Variants in TUT7 observed in about 807,000 individuals in gnomAD.
The protein encoded by TUT7 is terminal uridylyl transferase 7, also known as terminal uridylyltransferase 7.
A neutral mutation model predicts 165.9 loss-of-function variants in TUT7; 33 were observed. The ratio of observed to expected loss-of-function variants is 0.20; its 90% CI spans 0.15 to 0.27. The LOEUF (loss-of-function observed/expected upper bound fraction) is 0.27. Ranked by LOEUF, TUT7 falls within the 10% of genes least tolerant of loss-of-function variation. TUT7 has a pLI of 1.00. For missense variants in TUT7, 1,338 were observed against 1,762.3 expected, an observed-to-expected ratio of 0.76 and a Z score of 4.31; for synonymous variants, 552 against 608.1, an observed-to-expected ratio of 0.91 and a Z score of 1.36.
chr9:86,352,543 C>T, intron 2 of TUT7, 137 bp downstream of exon 2: 2 of 982,900 alleles, frequency 2.0e-6, no homozygotes, highest in South Asian at 1.4e-5. Flanking sequence ...AATAATCACA[C>T]TAAGTGACCA....
rs1831791645 is a variant in TUT7 at position 86,346,600 on chromosome 9, G to A, written c.521-120C>T. ...ATAAATCACATCTGCATGCAGAGCA[G>A]AAGGAAAGGTAGCTGTCCTATGGAC... is the stretch of plus-strand genomic sequence containing the variant. On this transcript the variant is annotated intron_variant, in intron 2 of 26. Coordinates refer to ENST00000375963, the MANE Select transcript of TUT7 (RefSeq NM_024617.4). 6.1e-5 allele frequency: 63 copies of A among 1,027,452 alleles called. No individual in the cohort carries two copies. In the South Asian group the frequency reaches 9.7e-4, roughly 16 times the overall value. The allele number at this position is 1,027,452 out of a possible 1,614,324, so 63.6% of individuals were successfully genotyped here.
chr9:86,324,976 C>T (rs547578163), intron 12 of TUT7, among the ~76,000 whole-genome samples: 23 of 152,206 alleles, frequency 1.5e-4, no homozygotes, highest in Admixed American at 5.9e-4. Context: ...CAACAATCCA[C>T]AAAAGGACTG....
intron 11 of TUT7, 133 bp from the exon 12 acceptor site, chr9:86,325,647 A>G (rs750937563): frequency 5.3e-6 from 4 of 755,184 alleles, no homozygotes; most frequent in Non-Finnish European, 8.3e-6. Flanking sequence ...CAATCCATCT[A>G]GATAAATCAA....
chr9:86,291,865 T>C (rs2131254506), intron 26 of TUT7, among the ~76,000 whole-genome samples: 1 of 152,272 alleles, frequency 6.6e-6, no homozygotes, highest in Non-Finnish European at 1.5e-5. Flanking sequence ...AAAGAATCTC[T>C]CATACATGCT....
At chr9:86,320,193 A>AT (rs1829113625) in intron 14 of TUT7, among the ~76,000 whole-genome samples, 1 of 146,596 alleles carries the variant, frequency 6.8e-6, no homozygotes, top group Admixed American at 7.2e-5. Context: ...ATTTGCATGT[A>AT]TTTTTTTCCC....
At chr9:86,353,669 CG>C (rs1832494955) in intron 1 of TUT7, among the ~76,000 whole-genome samples, 1 of 152,062 alleles carries the variant, frequency 6.6e-6, no homozygotes, top group Admixed American at 6.6e-5. Flanking sequence ...TGTTATACAC[CG>C]AAACTTTACG....
At chr9:86,310,380 C>T (rs1271151208) in intron 18 of TUT7, among the ~76,000 whole-genome samples, 1 of 151,916 alleles carries the variant, frequency 6.6e-6, no homozygotes, top group Non-Finnish European at 1.5e-5. Flanking sequence ...CATCTGACCT[C>T]ATGGCTTTTA....
At chr9:86,341,197 GT>G (rs1831290923) in intron 6 of TUT7, 144 bp from the exon 7 acceptor site, 1 of 691,784 alleles carries the variant, frequency 1.4e-6, no homozygotes, top group Admixed American at 2.5e-5. Flanking sequence ...TCACTATGTT[GT>G]TTGCATATGT....
intron 25 of TUT7, chr9:86,301,913 T>C (rs1293920877): frequency 2.1e-6 from 2 of 949,254 alleles, no homozygotes; most frequent in Admixed American, 6.2e-5. Context: ...AAATCATCCA[T>C]GGAGTGATTT....
intron 26 of TUT7, among the ~76,000 whole-genome samples, chr9:86,293,517 A>G (rs1826051596): frequency 6.6e-6 from 1 of 152,158 alleles, no homozygotes; most frequent in South Asian, 2.1e-4. Flanking sequence ...TTCAATGGTA[A>G]TAATAGGAAT....
chr9:86,299,256 A>G (rs1008786778), intron 26 of TUT7, among the ~76,000 whole-genome samples: 2 of 152,138 alleles, frequency 1.3e-5, no homozygotes, highest in Non-Finnish European at 2.9e-5. Flanking sequence ...CAAACATACA[A>G]TCTGATTTAG....
At chr9:86,296,782 T>C (rs775294688) in intron 26 of TUT7, among the ~76,000 whole-genome samples, 15 of 152,210 alleles carry the variant, frequency 9.9e-5, no homozygotes, top group Non-Finnish European at 2.2e-4. Flanking sequence ...AAAGACATAC[T>C]TAATACTATG....
chr9:86,322,726 G>A (rs1829426929), intron 13 of TUT7, 147 bp downstream of exon 13: 2 of 1,021,718 alleles, frequency 2.0e-6, no homozygotes, highest in Non-Finnish European at 2.8e-6. Flanking sequence ...AAGGAGAAAA[G>A]CAGACCGAGC....
chr9:86,338,915 T>G lies in TUT7; in HGVS notation c.1243A>C (p.Asn415His). The change falls in exon 9 of 27, where the codon AAT (asparagine) becomes CAT (histidine). Residue 415 changes from asparagine (N) to histidine (H), a missense_variant. Transcript: ENST00000375963. Reference sequence around the variant, plus strand: ...AAATGCTTTGTTGTCAGACAAGCATTTTCATTTCCTGCGCTCACTTTACAC... The same window carrying G: ...AAATGCTTTGTTGTCAGACAAGCATGTTCATTTCCTGCGCTCACTTTACAC... ...LLCKVSAGNE[N>H]ACLTTKHLTA... 1 of 1,611,408 alleles carries G rather than the reference T, an allele frequency of 6.2e-7. No individual in the cohort carries two copies. The highest frequency in any genetic ancestry group is 8.5e-7 in the Non-Finnish European group (1 of 1,178,734).
Position 86,323,726 on chromosome 9 carries a change from A to G in TUT7, c.2024T>C (p.Val675Ala). The G allele has an allele frequency of 6.2e-7, 1 of 1,613,640 alleles. No homozygotes were observed. The highest frequency in any genetic ancestry group is 8.5e-7 in the Non-Finnish European group (1 of 1,179,614). ...QTKDDKLKNS[V>A]LAQGPGATSS... is the part of the protein sequence containing the mutation. ...GGTAGCACCAGGACCTTGGGCCAAA[A>G]CTGAGTTTTTGAGCTTATCATCTTT... Residue 675 changes from valine to alanine, a missense_variant, in exon 13 of 27, where the codon GTT (valine) becomes GCT (alanine). Physicochemically the swap from Val to Ala is moderately conservative, Grantham distance 64. Around this residue, in one of 7 missense-constraint regions of TUT7, gnomAD observed 425 missense variants for 474.9 expected, o/e 0.89. Transcript: ENST00000375963.
intron 26 of TUT7, among the ~76,000 whole-genome samples, chr9:86,295,872 G>A (rs551949043): frequency 1.3e-4 from 20 of 150,014 alleles, no homozygotes; most frequent in East Asian, 3.9e-4. Context: ...TTGTTTTTTC[G>A]GTAATTTTCT....
At chr9:86,332,965 G>A (rs1391935763) in intron 10 of TUT7, among the ~76,000 whole-genome samples, 2 of 152,116 alleles carry the variant, frequency 1.3e-5, no homozygotes, top group Non-Finnish European at 2.9e-5. Flanking sequence ...GTCTTTGACA[G>A]TTGCATCTGG....
intron 24 of TUT7, among the ~76,000 whole-genome samples, chr9:86,303,446 C>A (rs1033679329): frequency 6.6e-6 from 1 of 151,998 alleles, no homozygotes; most frequent in African/African-American, 2.4e-5. Context: ...GAGCCCTAAC[C>A]CTAAAGGTTT....
intron 25 of TUT7, among the ~76,000 whole-genome samples, chr9:86,302,021 A>G (rs1826960981): frequency 6.6e-6 from 1 of 152,230 alleles, no homozygotes; most frequent in Non-Finnish European, 1.5e-5. Context: ...AATGGTTTTA[A>G]GATTTATGCT....
Sources: allele counts gnomAD v4.1 joint callset (sites outside exome capture counted in the v4.1 genomes callset), GRCh38; gene constraint gnomAD v4.1.1; regional missense constraint gnomAD v4.1.1; transcripts MANE v1.5; gene names NCBI Gene and HGNC (gene_info 2026-07-23, HGNC 2026-07-21).